NDUFAF2: variants seen among roughly 807,000 people sequenced by gnomAD.
The protein encoded by NDUFAF2 is NADH dehydrogenase [ubiquinone] 1 alpha subcomplex assembly factor 2.
In NDUFAF2, 13 loss-of-function variants were observed where a neutral mutation model predicts 22.8. That is an observed-to-expected ratio of 0.57 (90% confidence interval 0.37 to 0.91). NDUFAF2 has a LOEUF of 0.91. NDUFAF2 is among the 40% of genes least tolerant of loss of function. The probability of loss-of-function intolerance (pLI) is 0.01; values close to 1 mark genes in which losing one functional copy is unlikely to be tolerated. For missense variants in NDUFAF2, 162 were observed against 195.2 expected (o/e 0.83, Z 1.01); for synonymous variants, 53 against 64.2 (o/e 0.83, Z 0.84).
intron 1 of NDUFAF2, among the ~76,000 whole-genome samples, chr5:61,072,184 A>G (rs370977580): frequency 5.2e-4 from 79 of 152,364 alleles, no homozygotes; most frequent in African/African-American, 1.7e-3. Flanking sequence ...TGGTCTCTCA[A>G]TGTGGCTCTA....
chr5:61,121,701 G>C (rs1752978259), intron 3 of NDUFAF2, among the ~76,000 whole-genome samples: 1 of 152,060 alleles, frequency 6.6e-6, no homozygotes, highest in South Asian at 2.1e-4. Flanking sequence ...GAGTGAAGCA[G>C]CTTACCCTCT....
chr5:60,998,107 T>C (rs1426319737), intron 1 of NDUFAF2, among the ~76,000 whole-genome samples: 1 of 152,194 alleles, frequency 6.6e-6, no homozygotes, highest in African/African-American at 2.4e-5. Flanking sequence ...ACTGTTTAAA[T>C]TGTCTAAAAG....
chr5:61,041,324 A>G (rs1214482326), intron 1 of NDUFAF2, among the ~76,000 whole-genome samples: 2 of 152,102 alleles, frequency 1.3e-5, no homozygotes, highest in Admixed American at 6.5e-5. Flanking sequence ...GTAGTTTTAT[A>G]AGTATTTGAA....
intron 1 of NDUFAF2, among the ~76,000 whole-genome samples, chr5:61,001,799 C>T (rs192563581): frequency 6.6e-6 from 1 of 152,126 alleles, no homozygotes; most frequent in Admixed American, 6.6e-5. Context: ...CGTGATCAAA[C>T]CTTCTTATAT....
intron 1 of NDUFAF2, among the ~76,000 whole-genome samples, chr5:60,998,931 T>G (rs1398393821): frequency 6.6e-6 from 1 of 151,996 alleles, no homozygotes; most frequent in Non-Finnish European, 1.5e-5. Flanking sequence ...CTGTACCAAC[T>G]TACACTTTTA....
At chr5:61,043,307 C>G (rs1751906154) in intron 1 of NDUFAF2, among the ~76,000 whole-genome samples, 1 of 152,126 alleles carries the variant, frequency 6.6e-6, no homozygotes, top group African/African-American at 2.4e-5. Flanking sequence ...AGTGAAAATA[C>G]TCTGTGTAAT....
At chr5:61,003,224 A>G (rs1305290258) in intron 1 of NDUFAF2, among the ~76,000 whole-genome samples, 1 of 152,150 alleles carries the variant, frequency 6.6e-6, no homozygotes, top group East Asian at 1.9e-4. Context: ...AGGTACAGTT[A>G]CAGGCTGATT....
intron 3 of NDUFAF2, among the ~76,000 whole-genome samples, chr5:61,144,704 C>T (rs1248045035): frequency 6.6e-6 from 1 of 152,158 alleles, no homozygotes. Flanking sequence ...GTAATCTAAA[C>T]TTATCTTCCA....
At chr5:60,962,187 G>A (rs915132733) in intron 1 of NDUFAF2, among the ~76,000 whole-genome samples, 1 of 148,460 alleles carries the variant, frequency 6.7e-6, no homozygotes, top group Non-Finnish European at 1.5e-5. Context: ...TTTTTGTAGT[G>A]AACAAGTACT....
At chr5:60,984,143 A>G (rs1372416982) in intron 1 of NDUFAF2, among the ~76,000 whole-genome samples, 1 of 151,970 alleles carries the variant, frequency 6.6e-6, no homozygotes, top group Non-Finnish European at 1.5e-5. Flanking sequence ...ATTCCTAGGT[A>G]TTTTATTCTC....
At chr5:61,035,425 T>G (rs13185972) in intron 1 of NDUFAF2, among the ~76,000 whole-genome samples, 1 of 53,474 alleles carries the variant, frequency 1.9e-5, no homozygotes, top group African/African-American at 1.1e-4. Flanking sequence ...TCTTGCTCTG[T>G]TTTTTTTTTT....
At chr5:61,126,146 A>G (rs1579843719) in intron 3 of NDUFAF2, among the ~76,000 whole-genome samples, 1 of 152,008 alleles carries the variant, frequency 6.6e-6, no homozygotes, top group Non-Finnish European at 1.5e-5. Context: ...CAAAGTATGA[A>G]AAACATTTGG....
intron 1 of NDUFAF2, among the ~76,000 whole-genome samples, chr5:60,983,117 T>G (rs1028529114): frequency 3.3e-5 from 5 of 151,278 alleles, no homozygotes; most frequent in African/African-American, 1.2e-4. Flanking sequence ...TGGTATCTCA[T>G]TGTGGTTTTG....
chr5:61,125,632 G>A (rs1753027588), intron 3 of NDUFAF2, among the ~76,000 whole-genome samples: 2 of 152,050 alleles, frequency 1.3e-5, no homozygotes, highest in Non-Finnish European at 2.9e-5. Flanking sequence ...ATTTAAAACT[G>A]TGTATTGACA....
chr5:61,110,903 A>G (rs544104751), intron 3 of NDUFAF2, among the ~76,000 whole-genome samples: 2 of 151,486 alleles, frequency 1.3e-5, no homozygotes, highest in Admixed American at 6.6e-5. Flanking sequence ...TTTAACTTTC[A>G]TTGTCAGGTT....
At chr5:61,126,534 G>T (rs975733006) in intron 3 of NDUFAF2, among the ~76,000 whole-genome samples, 1 of 151,956 alleles carries the variant, frequency 6.6e-6, no homozygotes, top group African/African-American at 2.4e-5. Context: ...ATTTTCTGTA[G>T]AATGATTTCC....
At chr5:60,951,641 C>A (rs1163026669) in intron 1 of NDUFAF2, among the ~76,000 whole-genome samples, 1 of 152,118 alleles carries the variant, frequency 6.6e-6, no homozygotes, top group Non-Finnish European at 1.5e-5. Flanking sequence ...TTCTGTTCTT[C>A]AGGATCTTAA....
At chr5:61,059,072 T>C (rs16878535) in intron 1 of NDUFAF2, among the ~76,000 whole-genome samples, 2,968 of 152,128 alleles carry the variant, frequency 0.02, 112 homozygotes, top group African/African-American at 0.068. Flanking sequence ...GTTTTTGATG[T>C]GTGATTTCCA....
intron 1 of NDUFAF2, among the ~76,000 whole-genome samples, chr5:60,953,010 G>A (rs1750568577): frequency 6.6e-6 from 1 of 152,194 alleles, no homozygotes. Flanking sequence ...ATATGTAATT[G>A]GATACCATGA....
Sources: allele counts gnomAD v4.1 joint callset (sites outside exome capture counted in the v4.1 genomes callset), GRCh38; gene constraint gnomAD v4.1.1; transcripts MANE v1.5; gene names NCBI Gene and HGNC (gene_info 2026-07-23, HGNC 2026-07-21).